ARHGAP15: variants seen among roughly 807,000 people sequenced by gnomAD.
ARHGAP15 encodes the protein rho GTPase-activating protein 15.
ARHGAP15 carries 51 observed loss-of-function variants against 63.7 expected under a neutral mutation model. The observed-to-expected ratio is 0.80, with a 90% CI of 0.64 to 1.01. ARHGAP15 has a LOEUF of 1.01. Among genes scored for constraint, ARHGAP15 ranks in the 50% least tolerant of loss-of-function variants. The pLI is 0.00. For missense variants in ARHGAP15, 560 were observed against 564.6 expected (o/e 0.99, Z 0.08); for synonymous variants, 191 against 193.8 (o/e 0.99, Z 0.12).
chr2:143,176,931 G>A (rs1222450195), intron 2 of ARHGAP15, among the ~76,000 whole-genome samples: 1 of 152,102 alleles, frequency 6.6e-6, no homozygotes, highest in African/African-American at 2.4e-5. Context: ...CCTTTCCATG[G>A]CCTCCTTCAG....
intron 2 of ARHGAP15, among the ~76,000 whole-genome samples, chr2:143,180,301 C>A (rs1163970371): frequency 6.6e-6 from 1 of 152,174 alleles, no homozygotes; most frequent in Non-Finnish European, 1.5e-5. Context: ...GGGTACATTC[C>A]ATCTCAAGTA....
intron 6 of ARHGAP15, among the ~76,000 whole-genome samples, chr2:143,348,437 A>G (rs1477636363): frequency 3.3e-5 from 5 of 152,116 alleles, no homozygotes; most frequent in Non-Finnish European, 5.9e-5. Context: ...CAGTACTGAA[A>G]AATTGCACTT....
chr2:143,328,285 G>A (rs1337729991), intron 6 of ARHGAP15, among the ~76,000 whole-genome samples: 1 of 152,122 alleles, frequency 6.6e-6, no homozygotes, highest in African/African-American at 2.4e-5. Context: ...AAAGACACAT[G>A]CACATGTATG....
At chr2:143,411,662 C>A (rs915740349) in intron 6 of ARHGAP15, among the ~76,000 whole-genome samples, 2 of 152,104 alleles carry the variant, frequency 1.3e-5, no homozygotes, top group Non-Finnish European at 2.9e-5. Context: ...TAAGTATTGA[C>A]ATACTACTGT....
At chr2:143,261,178 G>C (rs1169430791) in intron 6 of ARHGAP15, among the ~76,000 whole-genome samples, 1 of 151,992 alleles carries the variant, frequency 6.6e-6, no homozygotes, top group East Asian at 1.9e-4. Flanking sequence ...TAGTCAGGAG[G>C]ATCATTCATA....
intron 8 of ARHGAP15, among the ~76,000 whole-genome samples, chr2:143,465,479 C>T (rs1014327214): frequency 6.6e-6 from 1 of 152,060 alleles, no homozygotes; most frequent in African/African-American, 2.4e-5. Context: ...GAAAATGTAG[C>T]AAATCTGCTC....
At chr2:143,356,911 C>T (rs1685835351) in intron 6 of ARHGAP15, among the ~76,000 whole-genome samples, 1 of 152,194 alleles carries the variant, frequency 6.6e-6, no homozygotes, top group South Asian at 2.1e-4. Flanking sequence ...CTACCCCTGA[C>T]ACGCCATCCG....
chr2:143,642,109 T>C (rs187549067), intron 12 of ARHGAP15, among the ~76,000 whole-genome samples: 3 of 152,262 alleles, frequency 2.0e-5, no homozygotes, highest in East Asian at 3.9e-4. Context: ...TATAAGCCTA[T>C]TGTAAAATAT....
Position 143,184,864 on chromosome 2 carries a change from G to A in ARHGAP15, c.166-17270G>A, listed in dbSNP as rs79856147. 4.1e-5 allele frequency among the ~76,000 whole-genome samples: 4 copies of A among 97,232 alleles called. No homozygotes were observed. In the South Asian group the frequency reaches 1.5e-3, roughly 35 times the overall value. The allele number at this position is 97,232 out of a possible 152,430, so 63.8% of individuals were successfully genotyped here. Reference sequence around the variant, plus strand: ...TTTTTTCTTTTTTCTTTTTTTTTTTGTAGAGACAAAGTCTCACTATGTGGC... The same window carrying A: ...TTTTTTCTTTTTTCTTTTTTTTTTTATAGAGACAAAGTCTCACTATGTGGC... On this transcript the variant is annotated intron_variant, in intron 2 of 13. Transcript: ENST00000295095.
intron 11 of ARHGAP15, among the ~76,000 whole-genome samples, chr2:143,602,552 G>A (rs185977532): frequency 6.6e-6 from 1 of 152,166 alleles, no homozygotes; most frequent in Admixed American, 6.6e-5. Flanking sequence ...TCCTAAATCA[G>A]CCTGGTGAAC....
chr2:143,315,738 C>T (rs894765662), intron 6 of ARHGAP15, among the ~76,000 whole-genome samples: 3 of 151,920 alleles, frequency 2.0e-5, no homozygotes, highest in African/African-American at 7.3e-5. Flanking sequence ...AATGACAAGT[C>T]GTGTTATATA....
chr2:143,737,720 TA>T (rs1318224618), intron 13 of ARHGAP15, among the ~76,000 whole-genome samples: 2 of 139,570 alleles, frequency 1.4e-5, no homozygotes, highest in African/African-American at 5.6e-5. Flanking sequence ...TTTTGAAACC[TA>T]TTTATTTTAT....
intron 12 of ARHGAP15, among the ~76,000 whole-genome samples, chr2:143,643,649 G>A (rs1341554455): frequency 6.6e-6 from 1 of 151,776 alleles, no homozygotes; most frequent in African/African-American, 2.4e-5. Context: ...TAGTAGCTTG[G>A]TTACATCTAA....
intron 2 of ARHGAP15, among the ~76,000 whole-genome samples, chr2:143,161,359 A>G (rs1216632061): frequency 6.6e-6 from 1 of 151,994 alleles, no homozygotes; most frequent in African/African-American, 2.4e-5. Flanking sequence ...GTTACAGAGC[A>G]GAGGGGTAAT....
chr2:143,436,802 T>A (rs1186884970), intron 7 of ARHGAP15, 111 bp from the exon 8 acceptor site: 1 of 1,104,532 alleles, frequency 9.1e-7, no homozygotes, highest in Non-Finnish European at 1.3e-6. Flanking sequence ...TATCCTCAAA[T>A]AATTACCTTA....
intron 4 of ARHGAP15, among the ~76,000 whole-genome samples, chr2:143,225,970 A>G (rs2105165642): frequency 6.6e-6 from 1 of 152,368 alleles, no homozygotes; most frequent in East Asian, 1.9e-4. Context: ...TCAAGCAATA[A>G]CACTGAGCCC....
chr2:143,247,805 G>A (rs1323203878), intron 5 of ARHGAP15, among the ~76,000 whole-genome samples: 1 of 152,018 alleles, frequency 6.6e-6, no homozygotes, highest in African/African-American at 2.4e-5. Context: ...TGAGTCCTTT[G>A]AACTGTTTCT....
At chr2:143,556,342 T>C in intron 10 of ARHGAP15, 66 bp from the exon 11 acceptor site, 9 of 1,251,284 alleles carry the variant, frequency 7.2e-6, no homozygotes, top group South Asian at 1.4e-5. Flanking sequence ...CTTCTTTTCA[T>C]AGATTTTTTT....
intron 2 of ARHGAP15, chr2:143,193,449 G>A (rs997297849): frequency 6.6e-6 from 1 of 152,662 alleles, no homozygotes; most frequent in Non-Finnish European, 1.5e-5. Context: ...CAATCCTGCT[G>A]AGTTGGATTA....
Sources: allele counts gnomAD v4.1 joint callset (sites outside exome capture counted in the v4.1 genomes callset), GRCh38; gene constraint gnomAD v4.1.1; transcripts MANE v1.5; gene names NCBI Gene and HGNC (gene_info 2026-07-23, HGNC 2026-07-21).